The following RNLS variants were observed in gnomAD, a reference collection of about 807,000 sequenced individuals.
RNLS encodes renalase.
RNLS carries 39 observed loss-of-function variants against 39.8 expected under a neutral mutation model. That is an observed-to-expected ratio of 0.98 (90% CI 0.76 to 1.28). RNLS has a LOEUF of 1.28. Among genes scored for constraint, RNLS ranks in the 50% most tolerant of loss-of-function variants. The probability of loss-of-function intolerance (pLI) is 0.00; values close to 1 mark genes in which losing one functional copy is unlikely to be tolerated. For missense variants in RNLS, 410 were observed against 413.3 expected (o/e 0.99, Z 0.07); for synonymous variants, 147 against 150.7 (o/e 0.98, Z 0.18).
chr10:88,577,702 G>C (rs911040363), intron 3 of RNLS, among the ~76,000 whole-genome samples: 1 of 152,152 alleles, frequency 6.6e-6, no homozygotes, highest in Non-Finnish European at 1.5e-5. Flanking sequence ...TATTAATGGA[G>C]AAGGCAGGCA....
chr10:88,498,996 T>C (rs1382969798), intron 4 of RNLS, among the ~76,000 whole-genome samples: 2 of 152,094 alleles, frequency 1.3e-5, no homozygotes, highest in Non-Finnish European at 2.9e-5. Context: ...TTGAGAGAAG[T>C]GGGAAAATCT....
chr10:88,333,183 A>T (rs188651941), intron 5 of RNLS, among the ~76,000 whole-genome samples: 386 of 152,354 alleles, frequency 2.5e-3, no homozygotes, highest in Non-Finnish European at 4.6e-3. Flanking sequence ...GGCTTAAATA[A>T]AATTAAGTGG....
chr10:88,512,294 G>C lies in RNLS; in HGVS notation c.526+60609C>G, dbSNP rs189322266. 2.0e-5 allele frequency among the ~76,000 whole-genome samples: 3 copies of C among 152,184 alleles called. No homozygotes were observed. In the East Asian group the frequency reaches 5.8e-4, roughly 29 times the overall value. ...TTATGTCAGAAATAAGTCCTCTTTG[G>C]ACACAATTCTTTCTAAAGTAAATTA... On this transcript the variant is annotated intron_variant, in intron 4 of 6. Coordinates refer to ENST00000331772, the MANE Select transcript of RNLS (RefSeq NM_001031709.3).
chr10:88,578,677 T>G (rs769012770), intron 3 of RNLS, among the ~76,000 whole-genome samples: 38 of 152,124 alleles, frequency 2.5e-4, no homozygotes, highest in Non-Finnish European at 5.1e-4. Context: ...CTACCTACTA[T>G]GTAGGAGGTA....
At chr10:88,302,851 T>C (rs868350223) in intron 6 of RNLS, among the ~76,000 whole-genome samples, 3 of 151,964 alleles carry the variant, frequency 2.0e-5, no homozygotes, top group South Asian at 2.1e-4. Context: ...ATGAGGGTAA[T>C]AGAAAAATGC....
At chr10:88,488,345 G>A (rs937917381) in intron 4 of RNLS, among the ~76,000 whole-genome samples, 4 of 151,912 alleles carry the variant, frequency 2.6e-5, no homozygotes, top group Admixed American at 6.6e-5. Context: ...TTGGGAGTTC[G>A]AGATCAGCCT....
intron 4 of RNLS, among the ~76,000 whole-genome samples, chr10:88,487,286 T>A (rs969085343): frequency 1.6e-4 from 24 of 152,014 alleles, no homozygotes; most frequent in African/African-American, 5.1e-4. Context: ...AAATAACCTG[T>A]ACAATAAACC....
At chr10:88,309,446 G>A (rs1354856191) in intron 6 of RNLS, 2 of 1,289,602 alleles carry the variant, frequency 1.6e-6, no homozygotes, top group African/African-American at 3.0e-5. Flanking sequence ...GCTCTTCTGT[G>A]TGCACATCCA....
chr10:88,425,772 C>T (rs1386115625), intron 4 of RNLS, among the ~76,000 whole-genome samples: 1 of 151,984 alleles, frequency 6.6e-6, no homozygotes, highest in African/African-American at 2.4e-5. Flanking sequence ...AAATGACTTA[C>T]ACTTAGGGTA....
At position 88,442,684 on chromosome 10, in the gene RNLS, T is replaced by A. The variant is rs10749586; in HGVS notation, c.527-79959A>T. ...TCAACAGTTCCTTCTTACTTGCCCC[T>A]GAGGATTCTTTTCTTCTGCCTACAC... is the stretch of plus-strand genomic sequence containing the variant. On this transcript the variant is annotated intron_variant, in intron 4 of 6. Transcript: ENST00000331772. 1.7e-4 allele frequency among the ~76,000 whole-genome samples: 26 copies of A among 151,792 alleles called. No individual in the cohort carries two copies. In the East Asian group the frequency reaches 1.8e-3, roughly 10 times the overall value.
chr10:88,489,332 T>C (rs1194473834), intron 4 of RNLS, among the ~76,000 whole-genome samples: 1 of 152,174 alleles, frequency 6.6e-6, no homozygotes, highest in Non-Finnish European at 1.5e-5. Context: ...CTTTTGTCTG[T>C]TCAGAAAATG....
intron 5 of RNLS, among the ~76,000 whole-genome samples, chr10:88,329,695 C>T (rs1222872417): frequency 4.0e-5 from 6 of 151,478 alleles, no homozygotes; most frequent in African/African-American, 1.5e-4. Flanking sequence ...TATTTTCTAT[C>T]TCTATCTCTC....
rs7910251 is a variant in RNLS, at chr10:88,296,484, A to T, written c.877-10978T>A. On this transcript the variant is annotated intron_variant, in intron 6 of 6. Coordinates refer to ENST00000331772, the MANE Select transcript of RNLS (RefSeq NM_001031709.3). ...TTCTCATTCATGTTAAATGGACTCA[A>T]TGACTTTATATCTGGGCCATAGGAT... 3.7e-3 allele frequency among the ~76,000 whole-genome samples: 559 copies of T among 152,228 alleles called. 4 individuals carry two copies. Among genetic ancestry groups the T allele is most frequent in the African/African-American group, 0.013 (535 of 41,540 alleles).
rs184104432 is a variant in RNLS at position 88,416,222 on chromosome 10, A to T, written c.527-53497T>A. Among the ~76,000 whole-genome samples the T allele has an allele frequency of 1.1e-3, 160 of 148,310 alleles. 1 individual carries two copies. Among genetic ancestry groups the T allele is most frequent in the African/African-American group, 2.9e-4 (12 of 40,852 alleles). ...TCTATGAAAAAAATATATCTGAATTATATATATATATATAATTTTTATTTT... is the reference window on the plus strand; with the variant it reads ...TCTATGAAAAAAATATATCTGAATTTTATATATATATATAATTTTTATTTT... On this transcript the variant is annotated intron_variant, in intron 4 of 6. Coordinates refer to ENST00000331772, the MANE Select transcript of RNLS (RefSeq NM_001031709.3).
At chr10:88,413,570 G>A (rs1425979014) in intron 4 of RNLS, among the ~76,000 whole-genome samples, 2 of 152,170 alleles carry the variant, frequency 1.3e-5, no homozygotes, top group Non-Finnish European at 2.9e-5. Context: ...CCAGGCAGCT[G>A]ACCAAATGCT....
At chr10:88,244,714 T>C in the RNLS span, among the ~76,000 whole-genome samples, 1 of 152,234 alleles carries the variant, frequency 6.6e-6, no homozygotes. Flanking sequence ...CTTTCTTTCT[T>C]TTTAAAAGAA....
intron 4 of RNLS, among the ~76,000 whole-genome samples, chr10:88,382,035 C>A (rs1213371542): frequency 6.6e-6 from 1 of 152,078 alleles, no homozygotes; most frequent in Non-Finnish European, 1.5e-5. Context: ...ACTACGATGG[C>A]AGAGTAGAGT....
chr10:88,540,990 CA>C (rs34561003), intron 4 of RNLS, among the ~76,000 whole-genome samples: 464 of 131,884 alleles, frequency 3.5e-3, no homozygotes, highest in Admixed American at 3.1e-3. Context: ...TCCTTACTGC[CA>C]AAAAAAAAAA....
At chr10:88,478,678 G>A (rs1170441989) in intron 4 of RNLS, among the ~76,000 whole-genome samples, 5 of 151,992 alleles carry the variant, frequency 3.3e-5, no homozygotes, top group African/African-American at 1.2e-4. Flanking sequence ...CCGTTCACTC[G>A]AAATATGCTC....
Sources: allele counts gnomAD v4.1 joint callset (sites outside exome capture counted in the v4.1 genomes callset), GRCh38; gene constraint gnomAD v4.1.1; transcripts MANE v1.5; gene names NCBI Gene and HGNC (gene_info 2026-07-23, HGNC 2026-07-21).